ARRDC2: variants seen among roughly 807,000 people sequenced by gnomAD.
ARRDC2 encodes the protein arrestin domain containing 2.
In ARRDC2, 39 loss-of-function variants were observed where a neutral mutation model predicts 38.9. The observed-to-expected ratio is 1.00, with a 90% CI of 0.78 to 1.31. ARRDC2 has a LOEUF of 1.31. Ranked by LOEUF, ARRDC2 falls within the 50% of genes most tolerant of loss-of-function variation. The pLI, the probability that ARRDC2 is intolerant of heterozygous loss-of-function variation, is 0.00. For synonymous variants in ARRDC2, 300 were observed against 261.9 expected, an observed-to-expected ratio of 1.15 and a Z score of -1.41; for missense variants, 553 against 588.4, an observed-to-expected ratio of 0.94 and a Z score of 0.62.
upstream of ARRDC2, chr19:18,008,136 G>A: frequency 1.4e-5 from 5 of 358,612 alleles, no homozygotes; most frequent in African/African-American, 3.6e-5. Context: ...CCCCCGCCCT[G>A]CCGTATAAAA....
In ARRDC2 at chr19:18,012,950, G is replaced by A. The variant is rs754421063; in HGVS notation, c.1208G>A (p.Arg403His). The change falls in exon 8 of 8, where the codon CGC becomes CAC. Residue 403 changes from arginine to histidine, a missense_variant. Around this residue, in one of 3 missense-constraint regions of ARRDC2, gnomAD observed 100 missense variants for 107.6 expected, o/e 0.93. Transcript: ENST00000222250. Reference protein sequence around the residue: ...PNPLLGDMRPRCMTC With the variant: ...PNPLLGDMRPHCMTC Reference sequence around the variant, plus strand: ...CCACTCTTGGGGGACATGAGGCCGCGCTGCATGACTTGCTGAACGGCACAG... The same window carrying A: ...CCACTCTTGGGGGACATGAGGCCGCACTGCATGACTTGCTGAACGGCACAG... 29 of 1,613,920 alleles carry A rather than the reference G, an allele frequency of 1.8e-5. No individual in the cohort carries two copies. Among genetic ancestry groups the A allele is most frequent in the Middle Eastern group, 3.3e-4 (2 of 6,058 alleles).
chr19:18,008,397 C>A lies in ARRDC2; in HGVS notation c.87C>A (p.Ala29=). ...AGCCCGTGTTTAGCGGCGGCCAGGC[C>A]GTGGCGGGCCGGGTGCTGCTGGAGC... is the stretch of plus-strand genomic sequence containing the variant. ...GVEPVFSGGQ[A]VAGRVLLELS... Residue 29 remains alanine, a synonymous_variant, in exon 1 of 8, where the codon GCC becomes GCA. Coordinates refer to ENST00000222250, the MANE Select transcript of ARRDC2 (RefSeq NM_015683.2). The A allele has an allele frequency of 6.3e-7, 1 of 1,594,676 alleles. No individual in the cohort carries two copies. The highest frequency in any genetic ancestry group is 1.3e-5 in the African/African-American group (1 of 74,536).
chr19:18,008,917 C>T, intron 2 of ARRDC2, 54 bp from the exon 3 acceptor site: 3 of 1,607,002 alleles, frequency 1.9e-6, no homozygotes, highest in South Asian at 2.2e-5. Flanking sequence ...TCTCCTTCTC[C>T]CTGCCTGCTT....
chr19:18,009,602 C>A lies in ARRDC2; in HGVS notation c.500C>A (p.Ala167Glu). The A allele has an allele frequency of 6.2e-7, 1 of 1,602,184 alleles. No homozygotes were observed. Among genetic ancestry groups the A allele is most frequent in the Non-Finnish European group, 8.5e-7 (1 of 1,171,340 alleles). ...INTPALLAPQAGAREKVARSW... is the reference protein window; with the variant it reads ...INTPALLAPQEGAREKVARSW... ...CCTCTACACCGACAGGCACCTCAAG[C>A]GGGGGCTCGGGAAAAGGTTGCCCGA... Residue 167 changes from alanine to glutamate, a missense_variant, in exon 4 of 8, where the codon GCG becomes GAG. Coordinates refer to ENST00000222250, the MANE Select transcript of ARRDC2 (RefSeq NM_015683.2).
chr19:18,001,576 G>T, intron 1 of ARRDC2: 1 of 1,325,476 alleles, frequency 7.5e-7, no homozygotes, highest in South Asian at 1.8e-5. Context: ...GCTCCGAGGT[G>T]AGACACTCGT....
At position 18,013,284 on chromosome 19, in the gene ARRDC2, A is replaced by G; in HGVS notation, c.*318A>G. On this transcript the variant is annotated 3_prime_UTR_variant, in exon 8 of 8. Transcript: ENST00000222250. ...GGAGCCTTCAGTCTGGGAGAAACAG[A>G]GCCAGACATAGACAGTTCCAGCATC... The G allele has an allele frequency of 3.1e-6, 1 of 320,794 alleles. No homozygotes were observed. The highest frequency in any genetic ancestry group is 5.8e-6 in the Non-Finnish European group (1 of 173,216). 19.9% of individuals were successfully genotyped at this position (320,794 alleles called of 1,614,324 possible). A position where few individuals can be genotyped will look rare whatever the true frequency, so the allele number is the denominator to read the frequency against.
Position 18,008,679 on chromosome 19 carries a change from G to A in ARRDC2, c.275-32G>A, listed in dbSNP as rs973542727. Reference sequence around the variant, plus strand: ...TCAGCCCTGGGACCCCAGCGCAACCGCTCAGTCGCCTCCTTTTTCTCCTAC... The same window carrying A: ...TCAGCCCTGGGACCCCAGCGCAACCACTCAGTCGCCTCCTTTTTCTCCTAC... On this transcript the variant is annotated intron_variant, in intron 1 of 7. Coordinates refer to ENST00000222250, the MANE Select transcript of ARRDC2 (RefSeq NM_015683.2). 3 of 1,610,582 alleles carry A rather than the reference G, an allele frequency of 1.9e-6. No individual in the cohort carries two copies. In the African/African-American group the frequency reaches 4.0e-5, roughly 22 times the overall value.
chr19:18,009,770 C>T lies in ARRDC2; in HGVS notation c.593-13C>T. On this transcript the variant is annotated splice_polypyrimidine_tract_variant and intron_variant, in intron 4 of 7. Coordinates refer to ENST00000222250, the MANE Select transcript of ARRDC2 (RefSeq NM_015683.2). ...AGGAGGGGAAACTGAGGCCCCACTG[C>T]TCCTTGCTGCAGGAGAGGTCATCCC... The T allele has an allele frequency of 6.2e-7, 1 of 1,613,098 alleles. No homozygotes were observed. Among genetic ancestry groups the T allele is most frequent in the Non-Finnish European group, 8.5e-7 (1 of 1,179,832 alleles).
At chr19:18,006,239 G>C (rs981524489), upstream of ARRDC2, among the ~76,000 whole-genome samples, 1 of 152,094 alleles carries the variant, frequency 6.6e-6, no homozygotes, top group Non-Finnish European at 1.5e-5. Flanking sequence ...GCCGGGCAGA[G>C]GCTGCAATCT....
chr19:18,007,396 T>C (rs1800762617), upstream of ARRDC2: 1 of 152,096 alleles, frequency 6.6e-6, no homozygotes, highest in Non-Finnish European at 1.5e-5. Flanking sequence ...AGGCTGAAAA[T>C]TGGGAAGGGA....
upstream of ARRDC2, among the ~76,000 whole-genome samples, chr19:18,005,163 G>T (rs2033247539): frequency 6.6e-6 from 1 of 151,912 alleles, no homozygotes; most frequent in African/African-American, 2.4e-5. Context: ...GTGTCCCTGG[G>T]TACTTGAGAT....
At chr19:18,001,217 A>T in exon 1 of ARRDC2, 1 of 1,089,716 alleles carries the variant, frequency 9.2e-7, no homozygotes, top group Non-Finnish European at 1.1e-6. Flanking sequence ...AGCTTGGGGG[A>T]CGCGACGGGG....
chr19:18,011,101 G>A (rs551340031), intron 7 of ARRDC2, among the ~76,000 whole-genome samples: 3 of 152,234 alleles, frequency 2.0e-5, no homozygotes, highest in South Asian at 4.1e-4. Flanking sequence ...CTGGTAGAGC[G>A]ATTCTCCTGC....
chr19:18,001,263 G>C (rs1290022650), exon 1 of ARRDC2: 32 of 1,162,514 alleles, frequency 2.8e-5, no homozygotes, highest in Non-Finnish European at 3.4e-5. Context: ...AGGCGCGCCC[G>C]GGCCGTGTGC....
chr19:18,005,314 C>T (rs2033249792), upstream of ARRDC2, among the ~76,000 whole-genome samples: 1 of 152,098 alleles, frequency 6.6e-6, no homozygotes, highest in African/African-American at 2.4e-5. Flanking sequence ...GGGGTAGGGT[C>T]ACCGATCAAC....
upstream of ARRDC2, among the ~76,000 whole-genome samples, chr19:18,005,380 A>T (rs377096744): frequency 6.6e-6 from 1 of 151,962 alleles, no homozygotes; most frequent in East Asian, 1.9e-4. Flanking sequence ...AAAGTCTCCC[A>T]TGTCTACCTC....
chr19:18,008,098 G>A (rs2033316554), upstream of ARRDC2: 3 of 1,196,962 alleles, frequency 2.5e-6, no homozygotes, highest in African/African-American at 3.5e-5. Context: ...CCCTTCCCGG[G>A]GCGGGGAAGA....
chr19:18,006,382 C>T (rs958835404), upstream of ARRDC2, among the ~76,000 whole-genome samples: 2 of 152,170 alleles, frequency 1.3e-5, no homozygotes, highest in Non-Finnish European at 2.9e-5. Context: ...CCCGGCACCT[C>T]GGGAGGCTGA....
Position 18,008,248 on chromosome 19 carries a change from G to A in ARRDC2, c.-63G>A. ...TCTGAGGCTGCAGCGTCGGCATCTT[G>A]AGCTGCCGGTTCGCGAGTTCGAGGC... On this transcript the variant is annotated 5_prime_UTR_variant, in exon 1 of 8. Transcript: ENST00000222250. The A allele has an allele frequency of 1.9e-6, 3 of 1,560,800 alleles. No homozygotes were observed. Among genetic ancestry groups the A allele is most frequent in the Non-Finnish European group, 2.6e-6 (3 of 1,165,426 alleles).
Sources: gnomAD v4.1 joint callset for allele counts (sites outside exome capture counted in the v4.1 genomes callset) on GRCh38, gnomAD v4.1.1 for gene constraint, gnomAD v4.1.1 regional missense constraint, MANE v1.5 for transcripts, NCBI Gene and HGNC (gene_info 2026-07-23, HGNC 2026-07-21) for gene names.